Variants in EDARADD observed in about 807,000 individuals in gnomAD.
EDARADD encodes EDAR associated via death domain, also known as ectodysplasin-A receptor-associated adapter protein.
A neutral mutation model predicts 25.6 loss-of-function variants in EDARADD; 20 were observed. That is an observed-to-expected ratio of 0.78 (90% CI 0.55 to 1.14). The LOEUF (loss-of-function observed/expected upper bound fraction) is 1.14, where lower values mean the gene tolerates loss of function less well. EDARADD is among the 50% of genes most tolerant of loss of function. The pLI is 0.00. For synonymous variants in EDARADD, 86 were observed against 94.4 expected (o/e 0.91, Z 0.52); for missense variants, 225 against 270.1 (o/e 0.83, Z 1.17).
chr1:236,427,956 T>G (rs1011890327), intron 4 of EDARADD, among the ~76,000 whole-genome samples: 135 of 107,046 alleles, frequency 1.3e-3, no homozygotes, highest in African/African-American at 3.9e-3. Flanking sequence ...TTTTTTTAAT[T>G]TATTTATTTT....
At chr1:236,468,584 C>T (rs184061561) in intron 5 of EDARADD, among the ~76,000 whole-genome samples, 1 of 152,306 alleles carries the variant, frequency 6.6e-6, no homozygotes, top group Admixed American at 6.5e-5. Flanking sequence ...CACACCACTG[C>T]ACTCCAGCCT....
At chr1:236,410,859 C>T (rs1251944421) in intron 2 of EDARADD, among the ~76,000 whole-genome samples, 2 of 152,182 alleles carry the variant, frequency 1.3e-5, no homozygotes, top group African/African-American at 4.8e-5. Context: ...TTGTAGACAG[C>T]GTAGGGGGTC....
chr1:236,450,101 CAAA>C (rs10707989), intron 4 of EDARADD, among the ~76,000 whole-genome samples: 14 of 140,928 alleles, frequency 9.9e-5, no homozygotes, highest in Admixed American at 1.4e-4. Context: ...ACTCTGTCTC[CAAA>C]AAAAAAAAAA....
intron 3 of EDARADD, among the ~76,000 whole-genome samples, chr1:236,385,075 T>C (rs971283079): frequency 2.0e-5 from 3 of 147,136 alleles, no homozygotes; most frequent in African/African-American, 7.5e-5. Context: ...ATTTTTATTC[T>C]ATGCCTTTTG....
intron 3 of EDARADD, among the ~76,000 whole-genome samples, chr1:236,417,946 CTT>C (rs1201251663): frequency 8.4e-6 from 1 of 119,502 alleles, no homozygotes; most frequent in African/African-American, 3.0e-5. Flanking sequence ...TTTTTTTTCT[CTT>C]CTTTTCTTTT....
At chr1:236,374,063 T>C (rs1039576294) in intron 3 of EDARADD, among the ~76,000 whole-genome samples, 1 of 152,168 alleles carries the variant, frequency 6.6e-6, no homozygotes, top group Admixed American at 6.5e-5. Flanking sequence ...AAATTTGTTG[T>C]GGTGTGTTTA....
chr1:236,458,449 T>C, intron 4 of EDARADD, among the ~76,000 whole-genome samples: 1 of 152,142 alleles, frequency 6.6e-6, no homozygotes, highest in East Asian at 1.9e-4. Context: ...GGTGTGAACA[T>C]GGCCATGACT....
chr1:236,401,543 G>A (rs557069061), intron 1 of EDARADD, among the ~76,000 whole-genome samples: 106 of 152,326 alleles, frequency 7.0e-4, no homozygotes, highest in African/African-American at 2.4e-3. Flanking sequence ...TACAGTACGT[G>A]TTTCCCAGCA....
chr1:236,413,827 G>A (rs1259101266), intron 2 of EDARADD, among the ~76,000 whole-genome samples: 1 of 152,116 alleles, frequency 6.6e-6, no homozygotes, highest in Non-Finnish European at 1.5e-5. Context: ...TGTCTCAGTC[G>A]ACCCAGGCCA....
upstream of EDARADD, among the ~76,000 whole-genome samples, chr1:236,391,804 A>G (rs1034223661): frequency 1.3e-5 from 2 of 152,150 alleles, no homozygotes; most frequent in African/African-American, 4.8e-5. Flanking sequence ...GATCATTGTC[A>G]TCTGTTTGTG....
At chr1:236,390,058 T>C (rs1349149062), upstream of EDARADD, among the ~76,000 whole-genome samples, 2 of 152,010 alleles carry the variant, frequency 1.3e-5, no homozygotes, top group Admixed American at 1.3e-4. Context: ...TATTTTCTGA[T>C]AGGAATGGAA....
chr1:236,468,491 G>T (rs1350748779), intron 5 of EDARADD, among the ~76,000 whole-genome samples: 2 of 152,090 alleles, frequency 1.3e-5, no homozygotes, highest in African/African-American at 4.8e-5. Flanking sequence ...GGTTGTGGTG[G>T]GCGCCTGTAA....
intron 4 of EDARADD, among the ~76,000 whole-genome samples, chr1:236,467,550 C>T (rs575151329): frequency 6.6e-6 from 1 of 152,100 alleles, no homozygotes; most frequent in East Asian, 1.9e-4. Context: ...AGGGCAGAAG[C>T]ATGATTGCCT....
chr1:236,473,344 T>C (rs1413942872), intron 5 of EDARADD, among the ~76,000 whole-genome samples: 2 of 152,022 alleles, frequency 1.3e-5, no homozygotes, highest in African/African-American at 4.8e-5. Flanking sequence ...GACAGGAGGA[T>C]GCCAGGGACA....
At chr1:236,384,740 A>T (rs569875375) in intron 3 of EDARADD, among the ~76,000 whole-genome samples, 2 of 152,208 alleles carry the variant, frequency 1.3e-5, no homozygotes, top group East Asian at 3.9e-4. Flanking sequence ...TATGCTGCCA[A>T]GGCTGGGCTA....
At chr1:236,373,083 T>C (rs989596357) in intron 3 of EDARADD, among the ~76,000 whole-genome samples, 2 of 150,950 alleles carry the variant, frequency 1.3e-5, no homozygotes, top group African/African-American at 4.9e-5. Context: ...GCCTGGCTAA[T>C]TTTTTGTATT....
At chr1:236,434,085 C>T (rs1021690070) in intron 4 of EDARADD, among the ~76,000 whole-genome samples, 7 of 152,118 alleles carry the variant, frequency 4.6e-5, no homozygotes, top group African/African-American at 1.4e-4. Context: ...TTCTAGGATG[C>T]GAGTCTGAGG....
intron 3 of EDARADD, among the ~76,000 whole-genome samples, chr1:236,421,107 T>C (rs1347902827): frequency 6.8e-6 from 1 of 147,420 alleles, no homozygotes; most frequent in East Asian, 2.0e-4. Flanking sequence ...GTTACAGGGA[T>C]GGCCAAACAC....
chr1:236,431,204 A>G (rs964382761), intron 4 of EDARADD, among the ~76,000 whole-genome samples: 10 of 152,226 alleles, frequency 6.6e-5, no homozygotes, highest in South Asian at 2.1e-4. Flanking sequence ...GATTTTTATA[A>G]TTTAAGACTA....
Sources: gnomAD v4.1 joint callset for allele counts (sites outside exome capture counted in the v4.1 genomes callset) on GRCh38, gnomAD v4.1.1 for gene constraint, MANE v1.5 for transcripts, NCBI Gene and HGNC (gene_info 2026-07-23, HGNC 2026-07-21) for gene names.